Variants in KIF27 observed in about 807,000 individuals in gnomAD.
The protein encoded by KIF27 is kinesin family member 27, also known as kinesin-like protein KIF27.
In KIF27, 84 loss-of-function variants were observed where a neutral mutation model predicts 141.8. That is an observed-to-expected ratio of 0.59 (90% CI 0.50 to 0.71). KIF27 has a LOEUF of 0.71. Among genes scored for constraint, KIF27 ranks in the 30% least tolerant of loss-of-function variants. KIF27 has a pLI of 0.00. For missense variants in KIF27, 1,306 were observed against 1,628.4 expected, an observed-to-expected ratio of 0.80 and a Z score of 3.41; for synonymous variants, 471 against 569.5, an observed-to-expected ratio of 0.83 and a Z score of 2.46.
Position 83,853,719 on chromosome 9 carries a change from G to A in KIF27, c.3267C>T (p.Asn1089=). Residue 1089 remains asparagine (N), a synonymous_variant, in exon 15 of 18, where the codon AAC becomes AAT. Coordinates refer to ENST00000297814, the MANE Select transcript of KIF27 (RefSeq NM_017576.4). ...RQKSLRASFH[N]LSRGEANVLE... ...AGACATTTGCTTCACCACGAGAGAG[G>A]TTATGGAATGATGCTCTAAGTGACT... 6.2e-7 allele frequency: 1 copy of A among 1,613,770 alleles called. No individual in the cohort carries two copies. The highest frequency in any genetic ancestry group is 8.5e-7 in the Non-Finnish European group (1 of 1,179,718).
chr9:83,855,009 C>T (rs971949839), intron 14 of KIF27: 1 of 152,128 alleles, frequency 6.6e-6, no homozygotes, highest in African/African-American at 2.4e-5. Context: ...CCCCTAACAT[C>T]CCAAAGGAAA....
chr9:83,899,499 A>T (rs1041939883), intron 5 of KIF27, among the ~76,000 whole-genome samples, 162 bp downstream of exon 5: 2 of 152,248 alleles, frequency 1.3e-5, no homozygotes, highest in Non-Finnish European at 2.9e-5. Flanking sequence ...CCATTTAAGC[A>T]GATTTAAAGG....
intron 5 of KIF27, among the ~76,000 whole-genome samples, chr9:83,895,504 C>T (rs1371192998): frequency 1.3e-5 from 2 of 152,102 alleles, no homozygotes; most frequent in African/African-American, 4.8e-5. Flanking sequence ...GACAAGGATG[C>T]TTTCTATCAC....
Position 83,848,086 on chromosome 9 carries a change from TATATATGATATATATGATATCTC to T in KIF27, c.3556+1990_3556+2012del, listed in dbSNP as rs1564283331. Among the ~76,000 whole-genome samples, 33 of 48,908 alleles carry T rather than the reference TATATATGATATATATGATATCTC, an allele frequency of 6.7e-4. 10 individuals carry two copies. The highest frequency in any genetic ancestry group is 2.3e-3 in the African/African-American group (18 of 7,696). The allele number at this position is 48,908 out of a possible 152,430, so 32.1% of individuals were successfully genotyped here. On this transcript the variant is annotated intron_variant, in intron 16 of 17. Transcript: ENST00000297814. ...CATATATATGATATATGATATATCATATATATGATATATATGATATCTCATATCTGATATATCTGATATCTCAT... is the reference window on the plus strand; with the variant it reads ...CATATATATGATATATGATATATCATATATCTGATATATCTGATATCTCAT...
intron 13 of KIF27, among the ~76,000 whole-genome samples, chr9:83,860,585 T>C (rs1949782436): frequency 6.6e-6 from 1 of 152,248 alleles, no homozygotes; most frequent in Admixed American, 6.5e-5. Flanking sequence ...AACTTTTTAT[T>C]GCACCTTATA....
At chr9:83,894,821 A>T (rs2132429879) in intron 5 of KIF27, among the ~76,000 whole-genome samples, 1 of 152,330 alleles carries the variant, frequency 6.6e-6, no homozygotes. Context: ...AGCCAGGAGA[A>T]TGAATATATA....
chr9:83,837,042 A>G lies in KIF27; in HGVS notation c.4165T>C (p.Ser1389Pro), dbSNP rs1161515061. ...GVGIGSMAAD[S>P]IEVSRKPRDL... ...CTTGGTTTCCTAGATACTTCGATGG[A>G]ATCAGCAGCCATTGATCCAATGCCA... Residue 1389 changes from serine to proline, a missense_variant, in exon 18 of 18, where the codon TCC becomes CCC. By Grantham distance (74) the Ser-to-Pro change is moderately conservative. Coordinates refer to ENST00000297814, the MANE Select transcript of KIF27 (RefSeq NM_017576.4). 6.2e-7 allele frequency: 1 copy of G among 1,613,846 alleles called. No homozygotes were observed. The highest frequency in any genetic ancestry group is 8.5e-7 in the Non-Finnish European group (1 of 1,179,868).
intron 17 of KIF27, among the ~76,000 whole-genome samples, chr9:83,840,547 G>A (rs530395157): frequency 4.0e-5 from 6 of 151,862 alleles, no homozygotes; most frequent in Non-Finnish European, 8.8e-5. Context: ...TAGTAGACTC[G>A]GTGGCATAAA....
intron 1 of KIF27, among the ~76,000 whole-genome samples, chr9:83,919,127 T>C (rs1955998007): frequency 6.6e-6 from 1 of 152,024 alleles, no homozygotes; most frequent in African/African-American, 2.4e-5. Context: ...CCACATCCAC[T>C]AGCACTGCTA....
At chr9:83,892,911 A>G (rs1427244716) in intron 5 of KIF27, among the ~76,000 whole-genome samples, 2 of 152,222 alleles carry the variant, frequency 1.3e-5, no homozygotes, top group African/African-American at 4.8e-5. Flanking sequence ...AAAAACTATC[A>G]GCACTTCAGG....
intron 2 of KIF27, among the ~76,000 whole-genome samples, chr9:83,909,025 T>C (rs1403184543): frequency 6.6e-6 from 1 of 152,198 alleles, no homozygotes; most frequent in East Asian, 1.9e-4. Context: ...AGTATTTATT[T>C]AGTATCTACT....
chr9:83,892,895 T>C (rs373939437), intron 5 of KIF27, among the ~76,000 whole-genome samples: 1 of 152,196 alleles, frequency 6.6e-6, no homozygotes, highest in African/African-American at 2.4e-5. Context: ...TCAATATTTG[T>C]AGTGCAAAAA....
At chr9:83,881,335 G>A (rs887297215) in intron 10 of KIF27, among the ~76,000 whole-genome samples, 2 of 152,080 alleles carry the variant, frequency 1.3e-5, no homozygotes, top group African/African-American at 4.8e-5. Context: ...CCAATTAGGT[G>A]GCATAAAAAA....
intron 8 of KIF27, among the ~76,000 whole-genome samples, 175 bp downstream of exon 8, chr9:83,888,313 TA>T (rs1201856489): frequency 1.3e-5 from 2 of 150,990 alleles, no homozygotes; most frequent in African/African-American, 4.9e-5. Flanking sequence ...TATTAAGGAG[TA>T]AAAGAGTAAA....
chr9:83,899,280 C>T (rs1313629509), intron 5 of KIF27, among the ~76,000 whole-genome samples: 1 of 152,066 alleles, frequency 6.6e-6, no homozygotes, highest in African/African-American at 2.4e-5. Flanking sequence ...AAATCACTCA[C>T]GAGGTGTAAG....
intron 11 of KIF27, 127 bp downstream of exon 11, chr9:83,880,170 G>C (rs1287295317): frequency 7.2e-7 from 1 of 1,380,388 alleles, no homozygotes; most frequent in African/African-American, 1.4e-5. Flanking sequence ...AGTGAATAAG[G>C]ACAGCAGTGA....
chr9:83,861,097 T>C (rs937333817), intron 13 of KIF27, among the ~76,000 whole-genome samples: 10 of 151,990 alleles, frequency 6.6e-5, no homozygotes, highest in Non-Finnish European at 4.4e-5. Context: ...CAGGACCTTC[T>C]TTTTTCCTCA....
chr9:83,848,554 ATATC>A (rs1171864112), intron 16 of KIF27: 12 of 146,026 alleles, frequency 8.2e-5, no homozygotes, highest in East Asian at 6.0e-4. Context: ...ACATATATCT[ATATC>A]TATATATAGA....
intron 12 of KIF27, among the ~76,000 whole-genome samples, chr9:83,869,163 T>C (rs1163970921): frequency 1.3e-5 from 2 of 152,220 alleles, no homozygotes; most frequent in Non-Finnish European, 2.9e-5. Flanking sequence ...AATGTACCCA[T>C]GTCACTATTA....
Sources: gnomAD v4.1 joint callset for allele counts (sites outside exome capture counted in the v4.1 genomes callset) on GRCh38, gnomAD v4.1.1 for gene constraint, MANE v1.5 for transcripts, NCBI Gene and HGNC (gene_info 2026-07-23, HGNC 2026-07-21) for gene names.